DCAF6: variants seen among roughly 807,000 people sequenced by gnomAD.
DCAF6 encodes the protein DDB1 and CUL4 associated factor 6.
In DCAF6, 54 loss-of-function variants were observed where a neutral mutation model predicts 125.1. The ratio of observed to expected loss-of-function variants is 0.43; its 90% CI spans 0.35 to 0.54. The LOEUF is 0.54. Among genes scored for constraint, DCAF6 ranks in the 20% least tolerant of loss-of-function variants. The pLI, the probability that DCAF6 is intolerant of heterozygous loss-of-function variation, is 0.01. For synonymous variants in DCAF6, 371 were observed against 390.4 expected (o/e 0.95, Z 0.58); for missense variants, 934 against 1,161.7 (o/e 0.80, Z 2.85).
chr1:167,993,090 C>G (rs1681104230), intron 6 of DCAF6, 136 bp from the exon 7 acceptor site: 6 of 784,828 alleles, frequency 7.6e-6, no homozygotes, highest in Non-Finnish European at 1.2e-5. Context: ...GGAAGAACCT[C>G]TACTGGAAAT....
chr1:168,010,293 C>T (rs1684107145), intron 10 of DCAF6, among the ~76,000 whole-genome samples: 1 of 151,962 alleles, frequency 6.6e-6, no homozygotes, highest in African/African-American at 2.4e-5. Context: ...TGTGCTTTTT[C>T]ACTCATGTAT....
chr1:167,964,607 A>T (rs1489709457), intron 2 of DCAF6, among the ~76,000 whole-genome samples: 1 of 152,214 alleles, frequency 6.6e-6, no homozygotes, highest in African/African-American at 2.4e-5. Context: ...GGAGGAAATT[A>T]TCAGTCATTA....
At chr1:167,960,215 A>G (rs1245358620) in intron 2 of DCAF6, among the ~76,000 whole-genome samples, 4 of 152,022 alleles carry the variant, frequency 2.6e-5, no homozygotes, top group African/African-American at 9.7e-5. Flanking sequence ...AATTCTGTTT[A>G]GTTATCTGTT....
intron 6 of DCAF6, 26 bp from the exon 7 acceptor site, chr1:167,993,200 T>A: frequency 6.4e-7 from 1 of 1,572,946 alleles, no homozygotes; most frequent in Non-Finnish European, 8.6e-7. Context: ...TTATTAATTT[T>A]AAATAACTTC....
chr1:167,901,813 GA>G, the DCAF6 span: 1 of 1,614,192 alleles, frequency 6.2e-7, no homozygotes, highest in South Asian at 1.1e-5. Flanking sequence ...CACCTTCAGA[GA>G]GAGACATGCC....
the DCAF6 span, among the ~76,000 whole-genome samples, chr1:167,925,442 C>T: frequency 1.8e-3 from 146 of 82,466 alleles, 1 homozygote; most frequent in East Asian, 7.0e-3. Flanking sequence ...TACATATACA[C>T]ATATATATAT....
rs1690741933 is a variant in DCAF6 at position 168,056,179 on chromosome 1, C to T, written c.2300+5246C>T. The T allele has an allele frequency of 2.5e-6, 4 of 1,607,774 alleles. 2 individuals carry two copies. In the African/African-American group the frequency reaches 5.4e-5, roughly 22 times the overall value. On this transcript the variant is annotated intron_variant, in intron 17 of 21. Coordinates refer to ENST00000367840, the MANE Select transcript of DCAF6 (RefSeq NM_001198956.2). ...ACTTCAGGGAGACTACAATAAACAA[C>T]ATCTCCCAACGCTTCCTGTGCAAAA... is the stretch of plus-strand genomic sequence containing the variant.
chr1:168,013,985 C>T (rs1283084113), intron 10 of DCAF6, among the ~76,000 whole-genome samples: 2 of 152,106 alleles, frequency 1.3e-5, no homozygotes, highest in Non-Finnish European at 1.5e-5. Context: ...GTGATACTCT[C>T]GCCTTGGTCT....
intron 20 of DCAF6, among the ~76,000 whole-genome samples, chr1:168,067,277 G>C (rs1692458872): frequency 6.6e-6 from 1 of 152,264 alleles, no homozygotes; most frequent in South Asian, 2.1e-4. Context: ...TATACATAAT[G>C]CTGGGTGTAA....
chr1:167,884,694 ATTT>A, the DCAF6 span, among the ~76,000 whole-genome samples: 18 of 108,616 alleles, frequency 1.7e-4, no homozygotes, highest in South Asian at 6.1e-4. Context: ...AATCATTTTA[ATTT>A]TTTTTTTTTT....
chr1:167,937,004 C>A lies in DCAF6; in HGVS notation c.93C>A (p.Tyr31Ter). 2 of 1,608,406 alleles carry A rather than the reference C, an allele frequency of 1.2e-6. No individual in the cohort carries two copies. The highest frequency in any genetic ancestry group is 1.7e-6 in the Non-Finnish European group (2 of 1,178,112). ...ACCCGTCCCGGCTGCGGAGTCGCTA[C>A]CTGGGTGAGCGGGGGCCCCGGGGCG... Reference protein sequence around the residue: ...LEDPSRLRSRYLGRREFIQRL... With the variant: ...LEDPSRLRSR Residue 31 changes from tyrosine to a stop codon, truncating the protein, a stop_gained, in exon 1 of 22, where the codon TAC becomes TAA. Transcript: ENST00000367840. LOFTEE classifies it high-confidence loss of function.
chr1:167,974,173 A>G (rs1204981712), intron 3 of DCAF6, among the ~76,000 whole-genome samples: 1 of 152,064 alleles, frequency 6.6e-6, no homozygotes, highest in Non-Finnish European at 1.5e-5. Flanking sequence ...GGCCATTTGT[A>G]TATCTGCATG....
intron 2 of DCAF6, among the ~76,000 whole-genome samples, chr1:167,960,966 A>G (rs780556752): frequency 6.6e-6 from 1 of 152,188 alleles, no homozygotes; most frequent in Non-Finnish European, 1.5e-5. Flanking sequence ...GAATCTTTCT[A>G]TTTATTAATA....
At chr1:167,901,773 G>C in the DCAF6 span, 1 of 1,614,014 alleles carries the variant, frequency 6.2e-7, no homozygotes, top group Non-Finnish European at 8.5e-7. Flanking sequence ...AGCTGCTTTC[G>C]CTCCACCCTC....
At chr1:167,903,882 C>G in the DCAF6 span, 1 of 1,602,632 alleles carries the variant, frequency 6.2e-7, no homozygotes, top group East Asian at 2.2e-5. Flanking sequence ...TATGGGAACA[C>G]TTACTCTCCA....
chr1:168,021,015 T>C (rs1571972813), intron 11 of DCAF6, among the ~76,000 whole-genome samples: 1 of 152,226 alleles, frequency 6.6e-6, no homozygotes, highest in Non-Finnish European at 1.5e-5. Flanking sequence ...AGGAAACCCT[T>C]TTAGTTTAAT....
chr1:167,964,348 G>GT (rs1676067506), intron 2 of DCAF6, among the ~76,000 whole-genome samples: 1 of 152,114 alleles, frequency 6.6e-6, no homozygotes, highest in Non-Finnish European at 1.5e-5. Flanking sequence ...GCTTTGTTTT[G>GT]TTTCCGTTAC....
rs148012547 is a variant in DCAF6 at position 167,993,344 on chromosome 1, C to T, written c.807C>T (p.Leu269=). The change falls in exon 7 of 22, where the codon CTC becomes CTT. Residue 269 remains leucine, a synonymous_variant. Transcript: ENST00000367840. ...LCYSEDGQEI[L]VSYSSDYIYL... Reference sequence around the variant, plus strand: ...ACAGTGAAGATGGTCAAGAGATTCTCGTTAGTTACTCTTCAGATTACATAT... The same window carrying T: ...ACAGTGAAGATGGTCAAGAGATTCTTGTTAGTTACTCTTCAGATTACATAT... 8.9e-5 allele frequency: 144 copies of T among 1,613,748 alleles called. No homozygotes were observed. The highest frequency in any genetic ancestry group is 5.1e-4 in the African/African-American group (38 of 75,002).
chr1:167,915,508 T>TG, the DCAF6 span, among the ~76,000 whole-genome samples: 1 of 152,104 alleles, frequency 6.6e-6, no homozygotes, highest in Admixed American at 6.5e-5. Context: ...TGGAGTGCAA[T>TG]GGCGTGATCT....
Sources: gnomAD v4.1 joint callset for allele counts (sites outside exome capture counted in the v4.1 genomes callset) on GRCh38, gnomAD v4.1.1 for gene constraint, MANE v1.5 for transcripts, NCBI Gene and HGNC (gene_info 2026-07-23, HGNC 2026-07-21) for gene names.